Variants in DNAAF9 observed in about 807,000 individuals in gnomAD.
DNAAF9 encodes shulin.
In DNAAF9, 90 loss-of-function variants were observed where a neutral mutation model predicts 167.0. The ratio of observed to expected loss-of-function variants is 0.54; its 90% CI spans 0.45 to 0.64. DNAAF9 has a LOEUF of 0.64. Ranked by LOEUF, DNAAF9 falls within the 30% of genes least tolerant of loss-of-function variation. The pLI, the probability that DNAAF9 is intolerant of heterozygous loss-of-function variation, is 0.00. For synonymous variants in DNAAF9, 491 were observed against 508.8 expected (o/e 0.96, Z 0.47); for missense variants, 1,315 against 1,442.2 (o/e 0.91, Z 1.43).
chr20:3,302,972 C>T (rs576737254), intron 21 of DNAAF9, among the ~76,000 whole-genome samples: 69 of 152,242 alleles, frequency 4.5e-4, no homozygotes, highest in African/African-American at 1.6e-3. Context: ...GGTGTGGTGG[C>T]TCATGCCTGT....
At chr20:3,287,003 A>G (rs550749509) in intron 27 of DNAAF9, among the ~76,000 whole-genome samples, 1 of 152,330 alleles carries the variant, frequency 6.6e-6, no homozygotes, top group South Asian at 2.1e-4. Flanking sequence ...AGGTCAAAAG[A>G]AACTCCTTTC....
chr20:3,355,349 C>T (rs1352135773), intron 7 of DNAAF9, among the ~76,000 whole-genome samples: 2 of 152,074 alleles, frequency 1.3e-5, no homozygotes, highest in African/African-American at 4.8e-5. Context: ...CCGAGGCAGG[C>T]AGATCACCTG....
chr20:3,267,832 C>G (rs1054496832), intron 30 of DNAAF9, among the ~76,000 whole-genome samples: 4 of 151,978 alleles, frequency 2.6e-5, no homozygotes, highest in Non-Finnish European at 4.4e-5. Flanking sequence ...AAGACTCTGT[C>G]TAAATAAAAT....
Position 3,294,205 on chromosome 20 carries a change from C to T in DNAAF9, c.2172G>A (p.Arg724=), listed in dbSNP as rs1193326885. Residue 724 remains arginine, a synonymous_variant, in exon 25 of 37, where the codon CGG becomes CGA. Coordinates refer to ENST00000252032, the MANE Select transcript of DNAAF9 (RefSeq NM_001009984.3). ...ISSISQEPVM[R]THLPVLLQQA... ...GCTGCAGCAGCACAGGAAGATGGGT[C>T]CGCATCACAGGCTCCTGGCTAATGC... The T allele has an allele frequency of 1.1e-5, 18 of 1,613,444 alleles. No individual in the cohort carries two copies. Among genetic ancestry groups the T allele is most frequent in the Non-Finnish European group, 1.4e-5 (16 of 1,179,518 alleles).
At chr20:3,350,537 T>G (rs1355974411) in intron 7 of DNAAF9, among the ~76,000 whole-genome samples, 1 of 152,160 alleles carries the variant, frequency 6.6e-6, no homozygotes, top group African/African-American at 2.4e-5. Context: ...TGAAGAGATT[T>G]AGAAACAATG....
chr20:3,348,771 C>T, intron 7 of DNAAF9, 148 bp from the exon 8 acceptor site: 2 of 494,776 alleles, frequency 4.0e-6, no homozygotes, highest in South Asian at 4.0e-5. Flanking sequence ...CTAGTACATG[C>T]TACTCCTATG....
At chr20:3,280,759 G>A (rs2068751897) in intron 28 of DNAAF9, among the ~76,000 whole-genome samples, 2 of 151,460 alleles carry the variant, frequency 1.3e-5, no homozygotes, top group African/African-American at 4.8e-5. Flanking sequence ...GGGACTACAG[G>A]TGCTCACTAC....
intron 1 of DNAAF9, among the ~76,000 whole-genome samples, chr20:3,401,768 T>C (rs910344682): frequency 4.6e-5 from 7 of 152,134 alleles, no homozygotes; most frequent in Admixed American, 1.3e-4. Context: ...CCAGGGGTGA[T>C]AGAGAAGATC....
In DNAAF9 at chr20:3,322,687, C is replaced by A. The variant is rs745774617; in HGVS notation, c.1275G>T (p.Met425Ile). 1.9e-6 allele frequency: 3 copies of A among 1,612,792 alleles called. No homozygotes were observed. Among genetic ancestry groups the A allele is most frequent in the Admixed American group, 3.3e-5 (2 of 60,026 alleles). ...TATTCACAGCATGTATATGAAAAGT[C>A]ATCTTGGAGCTGTAGACCAGAAACA... ...IPFKAALRSK[M>I]TFHIHAVNNQ... Residue 425 changes from methionine (M) to isoleucine (I), a missense_variant, in exon 15 of 37, where the codon ATG becomes ATT. Around this residue, in one of 2 missense-constraint regions of DNAAF9, gnomAD observed 981 missense variants for 1,012.5 expected, o/e 0.97. Transcript: ENST00000252032.
At chr20:3,299,981 C>A (rs1399946710) in intron 21 of DNAAF9, among the ~76,000 whole-genome samples, 1 of 152,176 alleles carries the variant, frequency 6.6e-6, no homozygotes, top group Non-Finnish European at 1.5e-5. Context: ...CGGCTCACTG[C>A]AACCTCTGCC....
rs78347292 is a variant in DNAAF9 at position 3,349,646 on chromosome 20, A to G, written c.691-1023T>C. 9.0e-3 allele frequency among the ~76,000 whole-genome samples: 1,367 copies of G among 152,194 alleles called. 19 individuals carry two copies. The highest frequency in any genetic ancestry group is 0.032 in the African/African-American group (1,313 of 41,512). ...TCTTAGCTGACTCTCCTCTACATAC[A>G]GCCTCCATTCCCCATCCCAGCTGCT... On this transcript the variant is annotated intron_variant, in intron 7 of 36. Transcript: ENST00000252032.
intron 7 of DNAAF9, among the ~76,000 whole-genome samples, chr20:3,354,106 A>T (rs925423429): frequency 3.3e-5 from 5 of 152,208 alleles, no homozygotes; most frequent in Non-Finnish European, 1.5e-5. Flanking sequence ...CACTTTACAG[A>T]AGAGACTGAG....
At chr20:3,332,162 C>T (rs1305159109) in intron 11 of DNAAF9, 118 bp downstream of exon 11, 4 of 625,224 alleles carry the variant, frequency 6.4e-6, no homozygotes, top group Admixed American at 2.8e-5. Context: ...AGCTGGAGGC[C>T]CACAAATTGG....
At position 3,381,485 on chromosome 20, in the gene DNAAF9, C is replaced by A. The variant is rs867164486; in HGVS notation, c.177G>T (p.Arg59Ser). 26 of 1,613,528 alleles carry A rather than the reference C, an allele frequency of 1.6e-5. No homozygotes were observed. In the Middle Eastern group the frequency reaches 3.3e-3, roughly 204 times the overall value. Reference protein sequence around the residue: ...GILCILGIDSRYNEGCRELAN... With the variant: ...GILCILGIDSSYNEGCRELAN... Reference sequence around the variant, plus strand: ...CCAGCTCTCTGCAGCCTTCATTGTACCTGCTATCGATTCCTGCAAGGCAAA... The same window carrying A: ...CCAGCTCTCTGCAGCCTTCATTGTAACTGCTATCGATTCCTGCAAGGCAAA... Residue 59 changes from arginine to serine, a missense_variant, in exon 3 of 37, where the codon AGG (arginine) becomes AGT (serine). Arg to Ser is a moderately radical substitution (Grantham distance 110). Around this residue, in one of 2 missense-constraint regions of DNAAF9, gnomAD observed 981 missense variants for 1,012.5 expected, o/e 0.97. Transcript: ENST00000252032.
intron 20 of DNAAF9, chr20:3,307,224 C>A: frequency 1.2e-6 from 1 of 868,828 alleles, no homozygotes; most frequent in Non-Finnish European, 1.4e-6. Flanking sequence ...GACAAATTCA[C>A]AAGACAGTGC....
chr20:3,288,784 G>C (rs2068898031), intron 26 of DNAAF9, among the ~76,000 whole-genome samples: 1 of 152,170 alleles, frequency 6.6e-6, no homozygotes, highest in South Asian at 2.1e-4. Flanking sequence ...TGATTTTCCT[G>C]ATTTCACCTG....
chr20:3,330,079 T>C (rs2069792837), intron 12 of DNAAF9, among the ~76,000 whole-genome samples: 1 of 152,156 alleles, frequency 6.6e-6, no homozygotes, highest in Non-Finnish European at 1.5e-5. Context: ...ATAGAAAACA[T>C]ATCAAGGAGA....
At chr20:3,306,866 C>T in intron 20 of DNAAF9, 1 of 981,500 alleles carries the variant, frequency 1.0e-6, no homozygotes, top group Non-Finnish European at 1.2e-6. Flanking sequence ...ACTCCTGCCA[C>T]AAGATGACTC....
chr20:3,316,829 T>G, intron 17 of DNAAF9, 36 bp from the exon 18 acceptor site: 4 of 1,523,490 alleles, frequency 2.6e-6, no homozygotes, highest in Non-Finnish European at 3.6e-6. Flanking sequence ...GTTAATTCCC[T>G]ACCAGCTCAG....
Sources: gnomAD v4.1 joint callset for allele counts (sites outside exome capture counted in the v4.1 genomes callset) on GRCh38, gnomAD v4.1.1 for gene constraint, gnomAD v4.1.1 regional missense constraint, MANE v1.5 for transcripts, NCBI Gene and HGNC (gene_info 2026-07-23, HGNC 2026-07-21) for gene names.